Variants in PIGF observed in about 807,000 individuals in gnomAD.
PIGF encodes the protein phosphatidylinositol glycan anchor biosynthesis class F.
A neutral mutation model predicts 26.0 loss-of-function variants in PIGF; 23 were observed. The observed-to-expected ratio is 0.88, with a 90% CI of 0.64 to 1.25. The LOEUF (loss-of-function observed/expected upper bound fraction) is 1.25. Among genes scored for constraint, PIGF ranks in the 50% most tolerant of loss-of-function variants. The pLI is 0.00. For synonymous variants in PIGF, 93 were observed against 92.6 expected (o/e 1.00, Z -0.03); for missense variants, 278 against 249.9 (o/e 1.11, Z -0.76).
intron 4 of PIGF, among the ~76,000 whole-genome samples, chr2:46,600,119 C>T (rs1417685909): frequency 2.0e-5 from 3 of 152,234 alleles, no homozygotes; most frequent in Admixed American, 6.5e-5. Context: ...AAGGCTTACG[C>T]CTCCTCTTAG....
chr2:46,596,741 G>A (rs1340917306), intron 4 of PIGF, among the ~76,000 whole-genome samples: 1 of 151,604 alleles, frequency 6.6e-6, no homozygotes, highest in Admixed American at 6.6e-5. Flanking sequence ...AGAAGATTTA[G>A]CACCTTTTAT....
intron 4 of PIGF, among the ~76,000 whole-genome samples, chr2:46,606,365 A>G (rs964481790): frequency 6.6e-6 from 1 of 152,020 alleles, no homozygotes; most frequent in African/African-American, 2.4e-5. Context: ...TCCTGTACAC[A>G]TTTTTTCACC....
chr2:46,591,487 G>A (rs1669721121), intron 5 of PIGF: 1 of 802,716 alleles, frequency 1.2e-6, no homozygotes, highest in Middle Eastern at 6.4e-4. Flanking sequence ...GAAAAAGAAA[G>A]CACATTTATT....
At chr2:46,616,780 A>C (rs956406849) in intron 1 of PIGF, 190 bp downstream of exon 1, 2 of 179,108 alleles carry the variant, frequency 1.1e-5, no homozygotes, top group South Asian at 1.8e-4. Context: ...ACAAGGGAAA[A>C]CTGGGGGACA....
intron 4 of PIGF, among the ~76,000 whole-genome samples, chr2:46,611,410 G>A (rs1214565916): frequency 1.3e-5 from 2 of 151,860 alleles, no homozygotes; most frequent in African/African-American, 4.8e-5. Context: ...CTTGAACCTG[G>A]GAGATGGAGG....
intron 4 of PIGF, among the ~76,000 whole-genome samples, chr2:46,593,738 T>G (rs1014718234): frequency 6.6e-6 from 1 of 152,246 alleles, no homozygotes; most frequent in Admixed American, 6.5e-5. Context: ...ATTCAATTGT[T>G]TAAATTGCAA....
At chr2:46,611,229 C>G (rs942185138) in intron 4 of PIGF, among the ~76,000 whole-genome samples, 11 of 152,094 alleles carry the variant, frequency 7.2e-5, no homozygotes, top group Admixed American at 2.6e-4. Context: ...TGGCTCATAC[C>G]TGTAATCCCA....
chr2:46,604,769 A>C (rs1346781384), intron 4 of PIGF, among the ~76,000 whole-genome samples: 1 of 152,028 alleles, frequency 6.6e-6, no homozygotes, highest in Non-Finnish European at 1.5e-5. Context: ...TGAAAAAGAT[A>C]GAATGAGTAA....
chr2:46,610,410 T>A (rs1439321678), intron 4 of PIGF, among the ~76,000 whole-genome samples: 1 of 152,108 alleles, frequency 6.6e-6, no homozygotes, highest in Non-Finnish European at 1.5e-5. Context: ...AAGCAATTAA[T>A]ACCATTTGGG....
intron 5 of PIGF, among the ~76,000 whole-genome samples, chr2:46,586,369 A>C (rs1028170910): frequency 1.3e-5 from 2 of 152,210 alleles, no homozygotes; most frequent in East Asian, 3.8e-4. Context: ...CCAGCAGTTA[A>C]AGGTGTAAAC....
chr2:46,606,260 G>A (rs946978107), intron 4 of PIGF, among the ~76,000 whole-genome samples: 2 of 152,128 alleles, frequency 1.3e-5, no homozygotes, highest in Non-Finnish European at 1.5e-5. Context: ...AGATCCCCTC[G>A]CAAGAGACAA....
At chr2:46,602,732 G>C (rs997155992) in intron 4 of PIGF, among the ~76,000 whole-genome samples, 3 of 151,740 alleles carry the variant, frequency 2.0e-5, no homozygotes, top group Non-Finnish European at 4.4e-5. Context: ...ACTTCAAATT[G>C]AAATTTTAAT....
chr2:46,595,543 A>G (rs1284331088), intron 4 of PIGF, among the ~76,000 whole-genome samples: 1 of 152,246 alleles, frequency 6.6e-6, no homozygotes, highest in Admixed American at 6.5e-5. Flanking sequence ...GTTATTATGA[A>G]TAATGTTGCT....
rs1416853614 is a variant in PIGF, at chr2:46,588,459, C to A, written c.546+4016G>T. ...GCCTGTAACATTAATTAAGTAATAA[C>A]CATGTGTCAGGTGCTGAGCTAGGTA... On this transcript the variant is annotated intron_variant, in intron 5 of 5. Coordinates refer to ENST00000281382, the MANE Select transcript of PIGF (RefSeq NM_002643.4). The surrounding 1 kb of genome is among the most constrained non-coding windows in gnomAD (Gnocchi z 4.1). 6.9e-6 allele frequency: 2 copies of A among 288,776 alleles called. No homozygotes were observed. Among genetic ancestry groups the A allele is most frequent in the Non-Finnish European group, 1.3e-5 (2 of 152,538 alleles). 17.9% of individuals were successfully genotyped at this position (288,776 alleles called of 1,614,324 possible).
intron 4 of PIGF, among the ~76,000 whole-genome samples, chr2:46,593,209 T>C (rs963636640): frequency 1.3e-5 from 2 of 149,734 alleles, no homozygotes; most frequent in African/African-American, 4.9e-5. Context: ...CTCGGCTCAC[T>C]GCAACCTCAG....
intron 4 of PIGF, among the ~76,000 whole-genome samples, chr2:46,606,976 A>T (rs1467068315): frequency 6.6e-6 from 1 of 152,250 alleles, no homozygotes; most frequent in African/African-American, 2.4e-5. Flanking sequence ...CCTTGAAAAC[A>T]TTATGCTAAG....
At chr2:46,605,018 TA>T (rs1225823259) in intron 4 of PIGF, among the ~76,000 whole-genome samples, 1 of 151,934 alleles carries the variant, frequency 6.6e-6, no homozygotes, top group East Asian at 1.9e-4. Flanking sequence ...AATTAAAAAA[TA>T]AAGTTGTGAT....
rs1824050 is a variant in PIGF, at chr2:46,612,338, T to G, written c.327A>C (p.Ala109=). 3 of 1,293,652 alleles carry G rather than the reference T, an allele frequency of 2.3e-6. No homozygotes were observed. The highest frequency in any genetic ancestry group is 3.2e-6 in the Non-Finnish European group (3 of 947,270). 80.1% of individuals were successfully genotyped at this position (1,293,652 alleles called of 1,614,324 possible). ...VLYGAPLIEL[A]LETFLFAVIL... ...TAACTGCAAATAAAAATGTTTCCAA[T>G]GCCAACCTAGAAAAAAAAAAAGATT... Residue 109 remains alanine, a synonymous_variant, in exon 4 of 6, where the codon GCA becomes GCC. Transcript: ENST00000281382.
At chr2:46,600,547 CTAAT>C (rs1670024935) in intron 4 of PIGF, among the ~76,000 whole-genome samples, 1 of 152,066 alleles carries the variant, frequency 6.6e-6, no homozygotes, top group Non-Finnish European at 1.5e-5. Context: ...GATGATGAGA[CTAAT>C]TAATTAACTA....
Sources: gnomAD v4.1 joint callset for allele counts (sites outside exome capture counted in the v4.1 genomes callset) on GRCh38, gnomAD v4.1.1 for gene constraint, Gnocchi (gnomAD v3.1) non-coding constraint, MANE v1.5 for transcripts, NCBI Gene and HGNC (gene_info 2026-07-23, HGNC 2026-07-21) for gene names.